CYFIP1: variants seen among roughly 807,000 people sequenced by gnomAD.
CYFIP1 encodes cytoplasmic FMR1 interacting protein 1, also known as cytoplasmic FMR1-interacting protein 1.
A neutral mutation model predicts 163.5 loss-of-function variants in CYFIP1; 58 were observed. The observed-to-expected ratio is 0.35, with a 90% CI of 0.29 to 0.44. The LOEUF (loss-of-function observed/expected upper bound fraction) is 0.44. Ranked by LOEUF, CYFIP1 falls within the 20% of genes least tolerant of loss-of-function variation. The pLI, the probability that CYFIP1 is intolerant of heterozygous loss-of-function variation, is 1.00. For synonymous variants in CYFIP1, 663 were observed against 660.7 expected (o/e 1.00, Z -0.05); for missense variants, 1,338 against 1,653.8 (o/e 0.81, Z 3.31).
rs192875537 is a variant in CYFIP1 at position 22,889,854 on chromosome 15, G to A, written c.2676+3036C>T. Among the ~76,000 whole-genome samples the A allele has an allele frequency of 1.1e-4, 16 of 152,240 alleles. No individual in the cohort carries two copies. The East Asian group carries it at 2.5e-3, about 24-fold the overall frequency. ...GAGACCCAAGAAATTATTCTCACTCGCCAAACTTTCTAGTCCTATCTTCTA... is the reference window on the plus strand; with the variant it reads ...GAGACCCAAGAAATTATTCTCACTCACCAAACTTTCTAGTCCTATCTTCTA... On this transcript the variant is annotated intron_variant, in intron 23 of 30. Transcript: ENST00000617928.
chr15:22,979,540 G>A (rs2063396231), intron 1 of CYFIP1, among the ~76,000 whole-genome samples: 1 of 152,186 alleles, frequency 6.6e-6, no homozygotes, highest in Non-Finnish European at 1.5e-5. Context: ...GGACTTAATA[G>A]CGGAGCTGAC....
intron 1 of CYFIP1, among the ~76,000 whole-genome samples, chr15:22,971,929 C>T (rs868097901): frequency 1.3e-5 from 2 of 152,286 alleles, no homozygotes; most frequent in Middle Eastern, 3.4e-3. Context: ...ATGCAATCTA[C>T]AGGTTCAATG....
chr15:22,920,406 T>G (rs981637718), intron 13 of CYFIP1, among the ~76,000 whole-genome samples: 2 of 152,162 alleles, frequency 1.3e-5, no homozygotes, highest in African/African-American at 4.8e-5. Flanking sequence ...TCCCCAAGGC[T>G]TCACACAGTC....
intron 17 of CYFIP1, among the ~76,000 whole-genome samples, chr15:22,913,540 A>AAAG (rs1490962095): frequency 6.8e-6 from 1 of 147,606 alleles, no homozygotes; most frequent in African/African-American, 2.5e-5. Flanking sequence ...AAAAAAAAAA[A>AAAG]AAAAAAAAAA....
Position 22,939,557 on chromosome 15 carries a change from T to TAAAA in CYFIP1, c.570-54_570-51dup, listed in dbSNP as rs56068008. ...CCAAAATGCACCAACGTGCCACATT[T>TAAAA]AAAAAAAAAAAAAAAAAAAAAAAAG... On this transcript the variant is annotated intron_variant, in intron 6 of 30. Transcript: ENST00000617928. The TAAAA allele has an allele frequency of 1.0e-3, 300 of 286,350 alleles. 2 individuals are homozygous for TAAAA. The highest frequency in any genetic ancestry group is 2.6e-3 in the South Asian group (50 of 19,418). The allele number at this position is 286,350 out of a possible 1,614,324, so 17.7% of individuals were successfully genotyped here.
rs2059227202 is a variant in CYFIP1, at chr15:22,867,853, T to C, written c.*2175A>G. ...TATTTTGGTTTCTAGAAAATGTTTG[T>C]TTATGAAGAAGTCGATGGAAAACTG... On this transcript the variant is annotated 3_prime_UTR_variant, in exon 31 of 31. Transcript: ENST00000617928. 3 of 152,086 alleles carry C rather than the reference T, an allele frequency of 2.0e-5. No homozygotes were observed. The highest frequency in any genetic ancestry group is 7.2e-5 in the African/African-American group (3 of 41,432). 9.4% of individuals were successfully genotyped at this position (152,086 alleles called of 1,614,324 possible).
intron 1 of CYFIP1, 35 bp from the exon 2 acceptor site, chr15:22,947,326 G>C: frequency 6.3e-7 from 1 of 1,598,684 alleles, no homozygotes; most frequent in Non-Finnish European, 8.5e-7. Flanking sequence ...GTTCTGTGAG[G>C]AGAAGGAGGG....
intron 11 of CYFIP1, among the ~76,000 whole-genome samples, chr15:22,929,080 C>T (rs143507579): frequency 6.2e-4 from 94 of 151,828 alleles, no homozygotes; most frequent in Admixed American, 1.9e-3. Flanking sequence ...AGTAGCTGGG[C>T]GTGGTGCTGC....
At position 22,951,432 on chromosome 15, in the gene CYFIP1, G is replaced by T. The variant is rs57066713; in HGVS notation, c.-6-4141C>A. The T allele has an allele frequency of 8.5e-3, 11,019 of 1,289,512 alleles. 750 individuals carry two copies. In the African/African-American group the frequency reaches 0.15, roughly 17 times the overall value. The allele number at this position is 1,289,512 out of a possible 1,614,324, so 79.9% of individuals were successfully genotyped here. A position where few individuals can be genotyped will look rare whatever the true frequency, so the allele number is the denominator to read the frequency against. On this transcript the variant is annotated intron_variant, in intron 1 of 30. Coordinates refer to ENST00000617928, the MANE Select transcript of CYFIP1 (RefSeq NM_014608.6). ...CAGCGCTGCCTGCAGAGCCAGCATG[G>T]GGGGCCTGCCCTTGGTGTCCACGCA...
At chr15:22,915,999 C>T (rs901185932) in intron 16 of CYFIP1, among the ~76,000 whole-genome samples, 17 of 152,268 alleles carry the variant, frequency 1.1e-4, no homozygotes, top group African/African-American at 2.9e-4. Context: ...AGGTGGACAA[C>T]GGAGGACTTG....
Position 22,874,630 on chromosome 15 carries a change from C to A in CYFIP1, c.3130G>T (p.Asp1044Tyr). Residue 1044 changes from aspartate (D) to tyrosine (Y), a missense_variant, in exon 28 of 31, where the codon GAT becomes TAT. By Grantham distance (160) the Asp-to-Tyr change is radical (BLOSUM62 -3). Around this residue, in one of 4 missense-constraint regions of CYFIP1, gnomAD observed 306 missense variants for 322.1 expected, o/e 0.95. Coordinates refer to ENST00000617928, the MANE Select transcript of CYFIP1 (RefSeq NM_014608.6). ...GATTCTAGTCTTTTCATTTTGGCAT[C>A]AAGTCTCTCCCCCTCTGCAGTAGAA... ...RVHVKEGERL[D>Y]AKMKRLESKY... 6.2e-7 allele frequency: 1 copy of A among 1,601,386 alleles called. No homozygotes were observed.
intron 18 of CYFIP1, among the ~76,000 whole-genome samples, chr15:22,911,378 G>T (rs539329841): frequency 2.6e-5 from 4 of 152,256 alleles, no homozygotes; most frequent in Admixed American, 2.6e-4. Flanking sequence ...TGTGTGCAGT[G>T]ACCACGAGGA....
chr15:22,969,127 T>G (rs2063004056), intron 1 of CYFIP1, among the ~76,000 whole-genome samples: 1 of 152,166 alleles, frequency 6.6e-6, no homozygotes, highest in African/African-American at 2.4e-5. Flanking sequence ...CAGAGTGTTT[T>G]GGGCTTTTTT....
intron 23 of CYFIP1, among the ~76,000 whole-genome samples, chr15:22,887,163 CT>C (rs1444572404): frequency 6.6e-6 from 1 of 152,194 alleles, no homozygotes; most frequent in Non-Finnish European, 1.5e-5. Context: ...CTGGAATAAA[CT>C]GCAGCTGTAA....
At chr15:22,883,148 C>G (rs2059816847) in intron 23 of CYFIP1, 137 bp from the exon 24 acceptor site, 6 of 960,092 alleles carry the variant, frequency 6.2e-6, no homozygotes, top group Non-Finnish European at 9.0e-6. Context: ...ATCTACTGCC[C>G]TTAACTGGTA....
At chr15:22,938,978 C>A (rs1368286741) in intron 8 of CYFIP1, among the ~76,000 whole-genome samples, 1 of 150,878 alleles carries the variant, frequency 6.6e-6, no homozygotes, top group Non-Finnish European at 1.5e-5. Context: ...GACCTCCTGG[C>A]CAGCACCTTC....
chr15:22,901,202 C>CA (rs570501895), intron 22 of CYFIP1, among the ~76,000 whole-genome samples: 27 of 138,692 alleles, frequency 1.9e-4, no homozygotes, highest in Admixed American at 7.3e-4. Context: ...GACTCTGTCA[C>CA]AAAAAAACAA....
At chr15:22,930,487 G>A (rs2061505927) in intron 11 of CYFIP1, among the ~76,000 whole-genome samples, 1 of 151,346 alleles carries the variant, frequency 6.6e-6, no homozygotes, top group Non-Finnish European at 1.5e-5. Context: ...GCCACCTAAG[G>A]ATGCTCCAGT....
chr15:22,924,929 A>C (rs1422358157), intron 13 of CYFIP1, among the ~76,000 whole-genome samples: 1 of 152,016 alleles, frequency 6.6e-6, no homozygotes, highest in Non-Finnish European at 1.5e-5. Context: ...AAAATTAGCC[A>C]GGTGTGGTGG....
Sources: allele counts gnomAD v4.1 joint callset (sites outside exome capture counted in the v4.1 genomes callset), GRCh38; gene constraint gnomAD v4.1.1; regional missense constraint gnomAD v4.1.1; transcripts MANE v1.5; gene names NCBI Gene and HGNC (gene_info 2026-07-23, HGNC 2026-07-21).